Variants in ASXL2 observed in about 807,000 individuals in gnomAD.
The protein encoded by ASXL2 is putative Polycomb group protein ASXL2.
In ASXL2, 23 loss-of-function variants were observed where a neutral mutation model predicts 122.0. That is an observed-to-expected ratio of 0.19 (90% CI 0.14 to 0.27). The LOEUF (loss-of-function observed/expected upper bound fraction) is 0.27, where lower values mean the gene tolerates loss of function less well. Ranked by LOEUF, ASXL2 falls within the 10% of genes least tolerant of loss-of-function variation. The pLI is 1.00. For missense variants in ASXL2, 1,518 were observed against 1,713.8 expected, an observed-to-expected ratio of 0.89 and a Z score of 2.02; for synonymous variants, 650 against 637.0, an observed-to-expected ratio of 1.02 and a Z score of -0.31.
chr2:25,822,723 T>C (rs1252237976), intron 3 of ASXL2: 13 of 693,076 alleles, frequency 1.9e-5, no homozygotes, highest in Middle Eastern at 4.7e-4. Context: ...TGGCCAGTCA[T>C]AGCCAAGGTT....
chr2:25,749,102 G>C (rs1176649140), intron 12 of ASXL2, among the ~76,000 whole-genome samples: 1 of 152,178 alleles, frequency 6.6e-6, no homozygotes, highest in Non-Finnish European at 1.5e-5. Flanking sequence ...TACAAAGATA[G>C]GATCCTTTGA....
At position 25,759,562 on chromosome 2, in the gene ASXL2, T is replaced by G. The variant is rs768748487; in HGVS notation, c.859A>C (p.Ile287Leu). 110 of 1,613,906 alleles carry G rather than the reference T, an allele frequency of 6.8e-5. No individual in the cohort carries two copies. Among genetic ancestry groups the G allele is most frequent in the Non-Finnish European group, 9.1e-5 (107 of 1,179,902 alleles). The change falls in exon 9 of 13, where the codon ATC (isoleucine) becomes CTC (leucine). Residue 287 changes from isoleucine to leucine, a missense_variant. This residue lies in a region of ASXL2 where 92 missense variants were observed against 156.6 expected (regional missense o/e 0.59). Coordinates refer to ENST00000435504, the MANE Select transcript of ASXL2 (RefSeq NM_018263.6). ...AGGACTGAAAATGTGTGCTTGTTGA[T>G]CAGTGCTCGCAGATTTGTATTAACC... ...ILVNTNLRAL[I>L]NKHTFSVLPG...
chr2:25,742,889 A>G lies in ASXL2; in HGVS notation c.3448T>C (p.Phe1150Leu). ...GCTTCAGTGGGGCTGCTTAGACAAA[A>G]ACGATCTTCAGGGTTTACAGAATGG... The part of the protein sequence containing the change: ...RTHSVNPEDR[F>L]CLSSPTEALK... Residue 1150 changes from phenylalanine (F) to leucine (L), a missense_variant, in exon 13 of 13, where the codon TTT (phenylalanine) becomes CTT (leucine). This residue lies in a region of ASXL2 where 831 missense variants were observed against 833.1 expected (regional missense o/e 1.00). Coordinates refer to ENST00000435504, the MANE Select transcript of ASXL2 (RefSeq NM_018263.6). 1 of 1,613,966 alleles carries G rather than the reference A, an allele frequency of 6.2e-7. No homozygotes were observed. The highest frequency in any genetic ancestry group is 1.1e-5 in the South Asian group (1 of 91,082).
Position 25,735,911 on chromosome 2 carries a change from T to G in ASXL2, c.*6118A>C, listed in dbSNP as rs192911435. 8 of 152,314 alleles carry G rather than the reference T, an allele frequency of 5.3e-5. No individual in the cohort carries two copies. Among genetic ancestry groups the G allele is most frequent in the Admixed American group, 2.0e-4 (3 of 15,292 alleles). 9.4% of individuals were successfully genotyped at this position (152,314 alleles called of 1,614,324 possible). A position where few individuals can be genotyped will look rare whatever the true frequency, so the allele number is the denominator to read the frequency against. Reference sequence around the variant, plus strand: ...CAAACACTTCCATTTCATAACTCATTTAAATTTTCAACCTATCTTGGGAAA... The same window carrying G: ...CAAACACTTCCATTTCATAACTCATGTAAATTTTCAACCTATCTTGGGAAA... On this transcript the variant is annotated 3_prime_UTR_variant, in exon 13 of 13. Transcript: ENST00000435504.
At chr2:25,835,870 A>C (rs1381285522) in intron 2 of ASXL2, among the ~76,000 whole-genome samples, 2 of 152,216 alleles carry the variant, frequency 1.3e-5, no homozygotes, top group Admixed American at 6.5e-5. Flanking sequence ...CCATTCTTTA[A>C]TATTCTTCCC....
intron 5 of ASXL2, among the ~76,000 whole-genome samples, chr2:25,792,698 TG>T (rs761634505): frequency 5.9e-5 from 9 of 151,806 alleles, no homozygotes; most frequent in African/African-American, 1.2e-4. Flanking sequence ...CGAGGCCTCC[TG>T]GGTTCAAGTG....
At chr2:25,864,599 C>T (rs2089877971) in intron 1 of ASXL2, among the ~76,000 whole-genome samples, 1 of 151,710 alleles carries the variant, frequency 6.6e-6, no homozygotes, top group African/African-American at 2.4e-5. Flanking sequence ...GTTTTGGGCA[C>T]AGGGTAATCT....
intron 1 of ASXL2, among the ~76,000 whole-genome samples, chr2:25,854,527 T>C (rs566168958): frequency 3.9e-4 from 60 of 152,232 alleles, no homozygotes; most frequent in Non-Finnish European, 6.8e-4. Flanking sequence ...CTCAGAACCC[T>C]GTTATAATTC....
chr2:25,773,451 G>A (rs993914897), intron 5 of ASXL2, among the ~76,000 whole-genome samples: 2 of 151,908 alleles, frequency 1.3e-5, no homozygotes, highest in East Asian at 1.9e-4. Context: ...GGATCACAAG[G>A]TCAGGAGATT....
At chr2:25,799,281 G>A in intron 5 of ASXL2, 104 bp downstream of exon 5, 2 of 1,496,664 alleles carry the variant, frequency 1.3e-6, no homozygotes, top group Non-Finnish European at 1.8e-6. Context: ...TAGAGGGTAA[G>A]GGAAAGTGAC....
chr2:25,813,798 C>G (rs779742580), intron 3 of ASXL2, among the ~76,000 whole-genome samples: 38 of 152,210 alleles, frequency 2.5e-4, no homozygotes, highest in Non-Finnish European at 4.3e-4. Flanking sequence ...CGCCTGTAAT[C>G]CCAGCACTTT....
chr2:25,830,760 TC>T (rs759053049), intron 3 of ASXL2: 3 of 150,160 alleles, frequency 2.0e-5, no homozygotes, highest in Non-Finnish European at 3.0e-5. Context: ...TAAAAAGAAA[TC>T]AAATAGAAAT....
chr2:25,768,126 AG>A (rs1287482450), intron 7 of ASXL2, among the ~76,000 whole-genome samples: 4 of 152,224 alleles, frequency 2.6e-5, no homozygotes. Context: ...AGAAACTCAA[AG>A]GTTGTATGTA....
In ASXL2 at chr2:25,742,859, T is replaced by C. The variant is rs1211292957; in HGVS notation, c.3478A>G (p.Lys1160Glu). Reference protein sequence around the residue: ...FCLSSPTEALKMGYTDCKNAT... With the variant: ...FCLSSPTEALEMGYTDCKNAT... ...TTTTTACAGTCTGTATATCCCATTTTCAAGGCTTCAGTGGGGCTGCTTAGA... is the reference window on the plus strand; with the variant it reads ...TTTTTACAGTCTGTATATCCCATTTCCAAGGCTTCAGTGGGGCTGCTTAGA... Residue 1160 changes from lysine (K) to glutamate (E), a missense_variant, in exon 13 of 13, where the codon AAA becomes GAA. Coordinates refer to ENST00000435504, the MANE Select transcript of ASXL2 (RefSeq NM_018263.6). 2.5e-6 allele frequency: 4 copies of C among 1,613,900 alleles called. No homozygotes were observed. The highest frequency in any genetic ancestry group is 3.4e-6 in the Non-Finnish European group (4 of 1,179,908).
In ASXL2 at chr2:25,737,379, G is replaced by C. The variant is rs1411872402; in HGVS notation, c.*4650C>G. On this transcript the variant is annotated 3_prime_UTR_variant, in exon 13 of 13. Transcript: ENST00000435504. ...TTCTTTGATTTAGGAGCAAACAATG[G>C]GCACATTAATAAAGAGGCTGCACCG... is the stretch of plus-strand genomic sequence containing the variant. 2.6e-5 allele frequency: 4 copies of C among 151,870 alleles called. No homozygotes were observed. The highest frequency in any genetic ancestry group is 9.7e-5 in the African/African-American group (4 of 41,318). 9.4% of individuals were successfully genotyped at this position (151,870 alleles called of 1,614,324 possible).
At chr2:25,770,291 C>A (rs1276932183) in intron 6 of ASXL2, among the ~76,000 whole-genome samples, 2 of 152,094 alleles carry the variant, frequency 1.3e-5, no homozygotes, top group African/African-American at 4.8e-5. Flanking sequence ...TCACTGTAAT[C>A]TCCACGTCCT....
At chr2:25,859,454 A>G (rs2149199325) in intron 1 of ASXL2, among the ~76,000 whole-genome samples, 1 of 152,332 alleles carries the variant, frequency 6.6e-6, no homozygotes, top group Admixed American at 6.5e-5. Context: ...GGCATTACAA[A>G]TAGGTATATA....
intron 3 of ASXL2, among the ~76,000 whole-genome samples, chr2:25,819,460 A>G (rs993451655): frequency 6.6e-6 from 1 of 152,208 alleles, no homozygotes; most frequent in Non-Finnish European, 1.5e-5. Context: ...TGCATAAACC[A>G]AGTAATCACA....
At chr2:25,824,820 C>A (rs569690621) in intron 3 of ASXL2, among the ~76,000 whole-genome samples, 9 of 152,310 alleles carry the variant, frequency 5.9e-5, no homozygotes, top group African/African-American at 2.2e-4. Flanking sequence ...AATTTCCCCA[C>A]TGAGCATCAT....
Sources: allele counts gnomAD v4.1 joint callset (sites outside exome capture counted in the v4.1 genomes callset), GRCh38; gene constraint gnomAD v4.1.1; regional missense constraint gnomAD v4.1.1; transcripts MANE v1.5; gene names NCBI Gene and HGNC (gene_info 2026-07-23, HGNC 2026-07-21).